The following FBXO34 variants were observed in gnomAD, a reference collection of about 807,000 sequenced individuals.
FBXO34 encodes the protein F-box protein 34, also known as F-box only protein 34.
Under a neutral mutation model 24.5 loss-of-function variants are expected in FBXO34, and 12 were observed. The ratio of observed to expected loss-of-function variants is 0.49; its 90% CI spans 0.31 to 0.79. FBXO34 has a LOEUF of 0.79. Among genes scored for constraint, FBXO34 ranks in the 30% least tolerant of loss-of-function variants. The probability of loss-of-function intolerance (pLI) is 0.04; values close to 1 mark genes in which losing one functional copy is unlikely to be tolerated. For synonymous variants in FBXO34, 320 were observed against 311.9 expected (o/e 1.03, Z -0.27); for missense variants, 823 against 857.7 (o/e 0.96, Z 0.51).
chr14:55,322,145 C>T (rs1883156631), intron 1 of FBXO34, among the ~76,000 whole-genome samples: 1 of 151,368 alleles, frequency 6.6e-6, no homozygotes, highest in Non-Finnish European at 1.5e-5. Flanking sequence ...CTCGTCTCTA[C>T]TAAAAAAAGA....
At chr14:55,280,526 A>ATTTTTT (rs201409175) in intron 1 of FBXO34, among the ~76,000 whole-genome samples, 5 of 95,896 alleles carry the variant, frequency 5.2e-5, no homozygotes, top group African/African-American at 7.7e-5. Context: ...TATATCAGGA[A>ATTTTTT]CTTTTTTTTT....
At chr14:55,374,184 G>T (rs1180734309), downstream of FBXO34, among the ~76,000 whole-genome samples, 1 of 151,994 alleles carries the variant, frequency 6.6e-6, no homozygotes, top group Non-Finnish European at 1.5e-5. Context: ...AACTTGTTTT[G>T]AATTGCATTT....
the FBXO34 span, among the ~76,000 whole-genome samples, chr14:55,440,169 T>C: frequency 6.6e-6 from 1 of 152,094 alleles, no homozygotes; most frequent in Non-Finnish European, 1.5e-5. Context: ...ATCTGGTAAC[T>C]GAGTGAACGG....
chr14:55,352,660 G>A lies in FBXO34; in HGVS notation c.*134G>A, dbSNP rs1413630960. 1.4e-5 allele frequency: 10 copies of A among 737,542 alleles called. No homozygotes were observed. The highest frequency in any genetic ancestry group is 1.7e-5 in the Non-Finnish European group (8 of 479,158). The allele number at this position is 737,542 out of a possible 1,614,324, so 45.7% of individuals were successfully genotyped here. On this transcript the variant is annotated 3_prime_UTR_variant, in exon 2 of 2. Transcript: ENST00000313833. ...ACATCATCAGGACTGCATTGCTCAG[G>A]CATTTTCTAAACTCTAAATTTACGA...
chr14:55,324,479 G>GT (rs879346180), intron 1 of FBXO34, among the ~76,000 whole-genome samples: 2,449 of 143,534 alleles, frequency 0.017, 59 homozygotes, highest in African/African-American at 0.051. Context: ...AGTTCTTTAA[G>GT]TTTTTTTTTT....
the FBXO34 span, among the ~76,000 whole-genome samples, chr14:55,376,482 G>A: frequency 6.6e-6 from 1 of 152,190 alleles, no homozygotes; most frequent in African/African-American, 2.4e-5. Context: ...GCACAACATT[G>A]TAAGTATATG....
chr14:55,433,608 G>A, the FBXO34 span: 1 of 1,590,690 alleles, frequency 6.3e-7, no homozygotes, highest in South Asian at 1.1e-5. Flanking sequence ...TCTGGTAGGG[G>A]TGGAGGGATG....
the FBXO34 span, among the ~76,000 whole-genome samples, chr14:55,412,163 G>C: frequency 6.6e-6 from 1 of 152,216 alleles, no homozygotes; most frequent in Non-Finnish European, 1.5e-5. Context: ...AGCGGAATAA[G>C]GGAATTTAAC....
At chr14:55,303,711 C>G (rs939412784) in intron 1 of FBXO34, among the ~76,000 whole-genome samples, 3 of 151,806 alleles carry the variant, frequency 2.0e-5, no homozygotes, top group Non-Finnish European at 4.4e-5. Context: ...TTCCCACTCC[C>G]CCTTAATAAA....
chr14:55,422,031 T>C, the FBXO34 span, among the ~76,000 whole-genome samples: 1 of 152,262 alleles, frequency 6.6e-6, no homozygotes, highest in Non-Finnish European at 1.5e-5. Flanking sequence ...TTGGCCTTAT[T>C]AGATATACCA....
intron 1 of FBXO34, among the ~76,000 whole-genome samples, chr14:55,323,377 AAAT>A (rs1883231667): frequency 7.8e-6 from 1 of 127,862 alleles, no homozygotes; most frequent in South Asian, 2.9e-4. Context: ...GCCCCCCTTT[AAAT>A]TTATTTATTT....
At chr14:55,356,194 T>A (rs1425401755), downstream of FBXO34, among the ~76,000 whole-genome samples, 1 of 152,220 alleles carries the variant, frequency 6.6e-6, no homozygotes, top group East Asian at 1.9e-4. Context: ...GCACTGTTTT[T>A]ATGTGAGTGT....
intron 1 of FBXO34, among the ~76,000 whole-genome samples, 157 bp downstream of exon 1, chr14:55,271,694 G>C (rs980729424): frequency 2.0e-5 from 3 of 150,338 alleles, no homozygotes; most frequent in South Asian, 2.1e-4. Flanking sequence ...CCGCGGGTCC[G>C]GGGTAGGGAC....
downstream of FBXO34, among the ~76,000 whole-genome samples, chr14:55,355,433 C>T (rs756436297): frequency 1.4e-4 from 21 of 152,142 alleles, no homozygotes; most frequent in Admixed American, 3.3e-4. Context: ...TGTCTGTCAC[C>T]GTATCTTTGG....
At position 55,299,341 on chromosome 14, in the gene FBXO34, G is replaced by A. The variant is rs947668703; in HGVS notation, c.-11+27804G>A. 65 of 420,028 alleles carry A rather than the reference G, an allele frequency of 1.5e-4. 1 individual carries two copies. The highest frequency in any genetic ancestry group is 5.5e-5 in the Non-Finnish European group (12 of 219,330). The allele number at this position is 420,028 out of a possible 1,614,324, so 26.0% of individuals were successfully genotyped here. On this transcript the variant is annotated intron_variant, in intron 1 of 1. Transcript: ENST00000313833. ...ACTCTCACTCCAAAGCAGTAGGGCC[G>A]CATTGCTGCTCGCTCTCTGCATAGC...
intron 1 of FBXO34, among the ~76,000 whole-genome samples, chr14:55,334,568 C>T (rs532419559): frequency 2.0e-5 from 3 of 151,932 alleles, no homozygotes; most frequent in East Asian, 3.9e-4. Context: ...ATCTGGGCAA[C>T]GAGGAGCCAG....
In FBXO34 at chr14:55,282,121, C is replaced by T. The variant is rs1365897701; in HGVS notation, c.-11+10584C>T. 2.6e-5 allele frequency among the ~76,000 whole-genome samples: 4 copies of T among 151,370 alleles called. No homozygotes were observed. The East Asian group carries it at 7.8e-4, about 29-fold the overall frequency. ...AAGCGATTCCCCTGCCTCAGCCTCC[C>T]GAGCAGCTGGGACTACAGGCGCATG... On this transcript the variant is annotated intron_variant, in intron 1 of 1. Coordinates refer to ENST00000313833, the MANE Select transcript of FBXO34 (RefSeq NM_017943.4).
At chr14:55,273,812 GTA>G (rs1173412228) in intron 1 of FBXO34, among the ~76,000 whole-genome samples, 1 of 152,102 alleles carries the variant, frequency 6.6e-6, no homozygotes, top group Admixed American at 6.5e-5. Context: ...TAGTTTTTTT[GTA>G]TGTTTTTTTG....
rs148356025 is a variant in FBXO34 at position 55,320,269 on chromosome 14, C to T, written c.-10-30112C>T. Among the ~76,000 whole-genome samples, 8 of 152,172 alleles carry T rather than the reference C, an allele frequency of 5.3e-5. No homozygotes were observed. The South Asian group carries it at 6.2e-4, about 12-fold the overall frequency. On this transcript the variant is annotated intron_variant, in intron 1 of 1. Coordinates refer to ENST00000313833, the MANE Select transcript of FBXO34 (RefSeq NM_017943.4). ...TAGGTTTATGATAAACTTGCTCAGG[C>T]GGTTGACTTTGTCAAGGCGACGGTG...
Sources: allele counts gnomAD v4.1 joint callset (sites outside exome capture counted in the v4.1 genomes callset), GRCh38; gene constraint gnomAD v4.1.1; transcripts MANE v1.5; gene names NCBI Gene and HGNC (gene_info 2026-07-23, HGNC 2026-07-21).